Variants in STX8 observed in about 807,000 individuals in gnomAD.
The protein encoded by STX8 is syntaxin-8.
STX8 carries 23 observed loss-of-function variants against 37.5 expected under a neutral mutation model. The ratio of observed to expected loss-of-function variants is 0.61; its 90% CI spans 0.44 to 0.87. STX8 has a LOEUF of 0.87. Ranked by LOEUF, STX8 falls within the 40% of genes least tolerant of loss-of-function variation. The pLI, the probability that STX8 is intolerant of heterozygous loss-of-function variation, is 0.00. For missense variants in STX8, 313 were observed against 284.7 expected (o/e 1.10, Z -0.71); for synonymous variants, 115 against 99.1 (o/e 1.16, Z -0.95).
chr17:9,481,378 A>G (rs1281035583), intron 6 of STX8, among the ~76,000 whole-genome samples: 1 of 152,184 alleles, frequency 6.6e-6, no homozygotes, highest in Non-Finnish European at 1.5e-5. Flanking sequence ...ATTTCCTTTA[A>G]AGGACAGCGG....
chr17:9,270,895 TG>T (rs2142138991), intron 7 of STX8, among the ~76,000 whole-genome samples: 1 of 152,326 alleles, frequency 6.6e-6, no homozygotes, highest in East Asian at 1.9e-4. Context: ...AGTGAAATGA[TG>T]GGATTTTACC....
chr17:9,272,292 G>A lies in STX8; in HGVS notation c.644-21647C>T, dbSNP rs189802410. 2.2e-3 allele frequency among the ~76,000 whole-genome samples: 329 copies of A among 152,310 alleles called. 2 individuals carry two copies. Among genetic ancestry groups the A allele is most frequent in the Non-Finnish European group, 1.0e-3 (69 of 68,030 alleles). On this transcript the variant is annotated intron_variant, in intron 7 of 7. Coordinates refer to ENST00000306357, the MANE Select transcript of STX8 (RefSeq NM_004853.3). Reference sequence around the variant, plus strand: ...ACAGATGGCCTTGGCCACTAAGGACGCTGCCTTCTTCCTCACAGAAGCCCG... The same window carrying A: ...ACAGATGGCCTTGGCCACTAAGGACACTGCCTTCTTCCTCACAGAAGCCCG...
intron 7 of STX8, among the ~76,000 whole-genome samples, chr17:9,278,931 C>A (rs2080495490): frequency 6.6e-6 from 1 of 152,132 alleles, no homozygotes; most frequent in African/African-American, 2.4e-5. Context: ...CTACAGCAAG[C>A]ATTTACAGAG....
chr17:9,335,387 C>T (rs1910102150), intron 7 of STX8, among the ~76,000 whole-genome samples: 1 of 152,172 alleles, frequency 6.6e-6, no homozygotes, highest in South Asian at 2.1e-4. Flanking sequence ...ATAAGTAACC[C>T]ACTTGGTGAT....
intron 7 of STX8, among the ~76,000 whole-genome samples, chr17:9,272,584 G>C (rs1240660764): frequency 1.3e-5 from 2 of 152,236 alleles, no homozygotes; most frequent in African/African-American, 4.8e-5. Context: ...CCATCCCAGA[G>C]CGTACCCCGA....
chr17:9,342,063 G>T (rs1041868481), intron 7 of STX8, among the ~76,000 whole-genome samples: 15 of 152,152 alleles, frequency 9.9e-5, no homozygotes, highest in African/African-American at 2.7e-4. Context: ...GGGGAAGGGG[G>T]AGATGGTTTT....
intron 7 of STX8, among the ~76,000 whole-genome samples, chr17:9,314,288 C>T (rs1325497300): frequency 6.6e-6 from 1 of 152,152 alleles, no homozygotes. Flanking sequence ...TTATTCTAAC[C>T]AAAATGCTAA....
Position 9,288,390 on chromosome 17 carries a change from G to A in STX8, c.644-37745C>T, listed in dbSNP as rs368642311. ...TAAAGAATTTCAATGGGCCGGGCGC[G>A]GTGGCTCACGCCTGTAATCCCAGCA... On this transcript the variant is annotated intron_variant, in intron 7 of 7. Coordinates refer to ENST00000306357, the MANE Select transcript of STX8 (RefSeq NM_004853.3). Among the ~76,000 whole-genome samples the A allele has an allele frequency of 1.6e-3, 240 of 152,082 alleles. 2 individuals are homozygous for A. The highest frequency in any genetic ancestry group is 5.1e-3 in the African/African-American group (213 of 41,546).
chr17:9,326,590 C>T (rs184106785), intron 7 of STX8, among the ~76,000 whole-genome samples: 64 of 152,308 alleles, frequency 4.2e-4, no homozygotes, highest in African/African-American at 1.3e-3. Flanking sequence ...GGTGGAGTTA[C>T]GACCCTGATC....
chr17:9,460,500 CCAT>C (rs1905331176), intron 6 of STX8, among the ~76,000 whole-genome samples: 2 of 152,052 alleles, frequency 1.3e-5, no homozygotes, highest in African/African-American at 4.8e-5. Context: ...TGGCAAAACC[CCAT>C]CTCTACTAAA....
intron 7 of STX8, among the ~76,000 whole-genome samples, chr17:9,366,648 T>G (rs9896433): frequency 0.055 from 8,434 of 152,214 alleles, 783 homozygotes; most frequent in African/African-American, 0.19. Context: ...AACAAAAATC[T>G]TTTAAAAAGC....
intron 6 of STX8, among the ~76,000 whole-genome samples, chr17:9,463,367 T>C (rs1567571942): frequency 6.6e-6 from 1 of 152,240 alleles, no homozygotes; most frequent in East Asian, 1.9e-4. Flanking sequence ...TGTTTCGCTA[T>C]CACAGAATTA....
At position 9,463,362 on chromosome 17, in the gene STX8, C is replaced by T. The variant is rs143798017; in HGVS notation, c.541+28467G>A. Reference sequence around the variant, plus strand: ...TACACAGTAACAATTATGTTTGTTTCGCTATCACAGAATTACTGATAATAA... The same window carrying T: ...TACACAGTAACAATTATGTTTGTTTTGCTATCACAGAATTACTGATAATAA... On this transcript the variant is annotated intron_variant, in intron 6 of 7. Coordinates refer to ENST00000306357, the MANE Select transcript of STX8 (RefSeq NM_004853.3). 3.7e-3 allele frequency among the ~76,000 whole-genome samples: 561 copies of T among 152,312 alleles called. 3 individuals are homozygous for T. The highest frequency in any genetic ancestry group is 0.013 in the African/African-American group (534 of 41,582).
At chr17:9,302,957 A>T (rs1203172001) in intron 7 of STX8, among the ~76,000 whole-genome samples, 1 of 150,360 alleles carries the variant, frequency 6.7e-6, no homozygotes, top group Non-Finnish European at 1.5e-5. Flanking sequence ...AAAAATGGTG[A>T]ATTTTATATG....
intron 7 of STX8, among the ~76,000 whole-genome samples, chr17:9,281,734 G>T (rs375584997): frequency 1.3e-5 from 2 of 152,204 alleles, no homozygotes; most frequent in East Asian, 3.8e-4. Flanking sequence ...AGGAGTTTGA[G>T]ACCAGCCTGG....
chr17:9,489,432 C>T (rs1171060646), intron 6 of STX8, among the ~76,000 whole-genome samples: 1 of 152,122 alleles, frequency 6.6e-6, no homozygotes, highest in African/African-American at 2.4e-5. Flanking sequence ...GGCTTGATTG[C>T]CTTATGCTGG....
intron 6 of STX8, among the ~76,000 whole-genome samples, chr17:9,391,115 G>A (rs1165331423): frequency 1.3e-5 from 2 of 152,040 alleles, no homozygotes; most frequent in Non-Finnish European, 2.9e-5. Flanking sequence ...AGGAACAGAT[G>A]CCAAAGTATA....
intron 6 of STX8, among the ~76,000 whole-genome samples, chr17:9,460,331 A>G (rs528233172): frequency 6.6e-6 from 1 of 152,250 alleles, no homozygotes; most frequent in Non-Finnish European, 1.5e-5. Context: ...TGGGGGAAGG[A>G]GGTAGATAAG....
intron 2 of STX8, among the ~76,000 whole-genome samples, chr17:9,563,474 G>A (rs769237345): frequency 9.9e-5 from 15 of 152,060 alleles, no homozygotes; most frequent in South Asian, 6.2e-4. Context: ...GTGAGTCACC[G>A]CGCCTGGCCC....
Sources: allele counts gnomAD v4.1 joint callset (sites outside exome capture counted in the v4.1 genomes callset), GRCh38; gene constraint gnomAD v4.1.1; transcripts MANE v1.5; gene names NCBI Gene and HGNC (gene_info 2026-07-23, HGNC 2026-07-21).